The following PCDHGB2 variants were observed in gnomAD, a reference collection of about 807,000 sequenced individuals.
PCDHGB2 encodes protocadherin gamma-B2.
PCDHGB2 carries 55 observed loss-of-function variants against 59.3 expected under a neutral mutation model. The observed-to-expected ratio is 0.93, with a 90% CI of 0.75 to 1.16. PCDHGB2 has a LOEUF of 1.16. Ranked by LOEUF, PCDHGB2 falls within the 50% of genes most tolerant of loss-of-function variation. The pLI is 0.00. For missense variants in PCDHGB2, 1,228 were observed against 1,198.5 expected, an observed-to-expected ratio of 1.02 and a Z score of -0.36; for synonymous variants, 516 against 512.0, an observed-to-expected ratio of 1.01 and a Z score of -0.11.
chr5:141,492,224 T>C (rs2099738444), intron 1 of PCDHGB2, among the ~76,000 whole-genome samples: 1 of 152,134 alleles, frequency 6.6e-6, no homozygotes, highest in South Asian at 2.1e-4. Flanking sequence ...CTCATGCGTG[T>C]CCTCCCTGCT....
intron 1 of PCDHGB2, chr5:141,394,201 A>G (rs764975219): frequency 2.5e-6 from 4 of 1,613,874 alleles, no homozygotes; most frequent in Admixed American, 1.7e-5. Context: ...TATATCCTAG[A>G]GAACAACCTG....
At chr5:141,372,414 G>C (rs1290805149) in intron 1 of PCDHGB2, 1 of 1,613,910 alleles carries the variant, frequency 6.2e-7, no homozygotes, top group African/African-American at 1.3e-5. Flanking sequence ...GATACAACCT[G>C]ACCTTAGCGA....
intron 1 of PCDHGB2, among the ~76,000 whole-genome samples, chr5:141,433,761 T>G (rs2154555909): frequency 6.7e-6 from 1 of 148,664 alleles, no homozygotes; most frequent in Admixed American, 6.8e-5. Context: ...TGCTTTAACC[T>G]GGGAGGTGGA....
chr5:141,405,346 G>C (rs184640789), intron 1 of PCDHGB2: 4 of 1,614,108 alleles, frequency 2.5e-6, no homozygotes, highest in Non-Finnish European at 3.4e-6. Context: ...TTGATTCCAA[G>C]TTTCCTATAG....
At chr5:141,472,507 T>G (rs919448316) in intron 1 of PCDHGB2, among the ~76,000 whole-genome samples, 2 of 151,872 alleles carry the variant, frequency 1.3e-5, no homozygotes, top group African/African-American at 4.8e-5. Context: ...GCCACTGCAC[T>G]CCAGCCTGGG....
At chr5:141,415,372 G>A in intron 1 of PCDHGB2, 1 of 1,614,252 alleles carries the variant, frequency 6.2e-7, no homozygotes, top group Non-Finnish European at 8.5e-7. Flanking sequence ...GCAGGCTTCA[G>A]GAGGCGGCTT....
chr5:141,399,071 T>C (rs2093748237), intron 1 of PCDHGB2: 1 of 1,613,808 alleles, frequency 6.2e-7, no homozygotes. Flanking sequence ...TCAATGGTTG[T>C]AGAAGGGAGG....
intron 1 of PCDHGB2, among the ~76,000 whole-genome samples, chr5:141,380,225 C>T (rs1000476704): frequency 6.6e-6 from 1 of 152,124 alleles, no homozygotes; most frequent in Non-Finnish European, 1.5e-5. Context: ...TCTGATCAGG[C>T]TTCTGTTGAG....
Position 141,374,841 on chromosome 5 carries a change from A to T in PCDHGB2, c.2421+12285A>T, listed in dbSNP as rs1770885287. 8 of 1,613,862 alleles carry T rather than the reference A, an allele frequency of 5.0e-6. No individual in the cohort carries two copies. The East Asian group carries it at 1.8e-4, about 36-fold the overall frequency. ...CCTGTCTACCGTGTAAGTGTTCCTGAAAACCTGCCAGTAGGCACACCAGTG... is the reference window on the plus strand; with the variant it reads ...CCTGTCTACCGTGTAAGTGTTCCTGTAAACCTGCCAGTAGGCACACCAGTG... On this transcript the variant is annotated intron_variant, in intron 1 of 3. Coordinates refer to ENST00000522605, the MANE Select transcript of PCDHGB2 (RefSeq NM_018923.3).
chr5:141,490,891 C>A lies in PCDHGB2; in HGVS notation c.2422-3916C>A, dbSNP rs1462296497. The A allele has an allele frequency of 6.2e-7, 1 of 1,613,204 alleles. No homozygotes were observed. Among genetic ancestry groups the A allele is most frequent in the Non-Finnish European group, 8.5e-7 (1 of 1,179,262 alleles). On this transcript the variant is annotated intron_variant, in intron 1 of 3. Transcript: ENST00000522605. This position sits in a 1 kb window ranked among gnomAD's most constrained non-coding sequence, Gnocchi z 5.4. ...CCCATTGCATGCCAACACATCTCTGCATGTGTTTGTCCTAGACGAGAATGA... is the reference window on the plus strand; with the variant it reads ...CCCATTGCATGCCAACACATCTCTGAATGTGTTTGTCCTAGACGAGAATGA...
intron 1 of PCDHGB2, chr5:141,415,520 C>T: frequency 6.2e-7 from 1 of 1,614,190 alleles, no homozygotes; most frequent in Non-Finnish European, 8.5e-7. Flanking sequence ...TATGCGGACA[C>T]GCTCATCAGC....
At chr5:141,394,506 C>T (rs1487868399) in intron 1 of PCDHGB2, 1 of 1,614,096 alleles carries the variant, frequency 6.2e-7, no homozygotes, top group Non-Finnish European at 8.5e-7. Flanking sequence ...GATCCTGTAC[C>T]CCGCCCTCCC....
chr5:141,468,419 G>A (rs1733006381), intron 1 of PCDHGB2: 1 of 151,826 alleles, frequency 6.6e-6, no homozygotes, highest in Admixed American at 6.6e-5. Flanking sequence ...AAGTTAGATA[G>A]CAAGGTAATA....
chr5:141,375,511 A>C (rs372798366), intron 1 of PCDHGB2: 2 of 1,613,960 alleles, frequency 1.2e-6, no homozygotes, highest in South Asian at 2.2e-5. Flanking sequence ...CTGTGAATGC[A>C]CTGGACCCTG....
chr5:141,434,747 C>T (rs2097714000), intron 1 of PCDHGB2, among the ~76,000 whole-genome samples: 1 of 151,606 alleles, frequency 6.6e-6, no homozygotes, highest in South Asian at 2.1e-4. Flanking sequence ...GCTATGAGAC[C>T]CCTGATTCCC....
At chr5:141,420,359 A>G in intron 1 of PCDHGB2, 1 of 1,378,858 alleles carries the variant, frequency 7.3e-7, no homozygotes, top group Non-Finnish European at 9.6e-7. Flanking sequence ...TTAAGATTCT[A>G]GATAACTTCT....
At chr5:141,388,733 A>G in intron 1 of PCDHGB2, 1 of 1,613,986 alleles carries the variant, frequency 6.2e-7, no homozygotes, top group Non-Finnish European at 8.5e-7. Context: ...CTTTCAGTGA[A>G]GCTAGCCAGA....
intron 1 of PCDHGB2, among the ~76,000 whole-genome samples, chr5:141,401,910 T>A (rs562648950): frequency 2.1e-4 from 32 of 152,336 alleles, no homozygotes; most frequent in African/African-American, 5.3e-4. Flanking sequence ...AATTATTATA[T>A]AAGTTTAAGT....
chr5:141,457,480 G>A lies in PCDHGB2; in HGVS notation c.2422-37327G>A, dbSNP rs566798464. ...GATTCACAGGAATAAGCAGGGCCAGGGTTAGTCTAAAATGTAGGCAAAAAG... is the reference window on the plus strand; with the variant it reads ...GATTCACAGGAATAAGCAGGGCCAGAGTTAGTCTAAAATGTAGGCAAAAAG... On this transcript the variant is annotated intron_variant, in intron 1 of 3. Transcript: ENST00000522605. 2.0e-5 allele frequency among the ~76,000 whole-genome samples: 3 copies of A among 152,266 alleles called. No individual in the cohort carries two copies. In the South Asian group the frequency reaches 6.2e-4, roughly 32 times the overall value.
Sources: allele counts gnomAD v4.1 joint callset (sites outside exome capture counted in the v4.1 genomes callset), GRCh38; gene constraint gnomAD v4.1.1; non-coding constraint Gnocchi (gnomAD v3.1); transcripts MANE v1.5; gene names NCBI Gene and HGNC (gene_info 2026-07-23, HGNC 2026-07-21).